The following SMIM31 variants were observed in gnomAD, a reference collection of about 807,000 sequenced individuals.
The protein encoded by SMIM31 is small integral membrane protein 31, also known as human epithelial cell program regulator.
intron 2 of SMIM31, among the ~76,000 whole-genome samples, chr4:164,773,561 C>T (rs902236670): frequency 5.9e-5 from 9 of 152,212 alleles, no homozygotes; most frequent in African/African-American, 2.2e-4. Flanking sequence ...CTTGTGAGAA[C>T]TCACTCACTA....
chr4:164,755,767 G>A (rs901642487), intron 1 of SMIM31, among the ~76,000 whole-genome samples: 1 of 152,022 alleles, frequency 6.6e-6, no homozygotes, highest in African/African-American at 2.4e-5. Context: ...GTGGGACAGA[G>A]ACTAGCAATT....
chr4:164,792,483 G>T (rs934106631), intron 2 of SMIM31, among the ~76,000 whole-genome samples: 2 of 151,940 alleles, frequency 1.3e-5, no homozygotes, highest in South Asian at 4.2e-4. Context: ...TGAGATTTGA[G>T]GAAAGGAAGA....
At chr4:164,775,830 C>T (rs1041806112) in intron 2 of SMIM31, among the ~76,000 whole-genome samples, 5 of 152,150 alleles carry the variant, frequency 3.3e-5, no homozygotes, top group African/African-American at 1.2e-4. Flanking sequence ...CAGTAAAACC[C>T]TTTTCCAGAT....
intron 1 of SMIM31, among the ~76,000 whole-genome samples, chr4:164,768,433 A>G (rs559726125): frequency 2.2e-4 from 34 of 151,296 alleles, no homozygotes; most frequent in African/African-American, 7.7e-4. Flanking sequence ...ATCTCAAAAA[A>G]AAAAAAAAAA....
At chr4:164,756,581 AT>A (rs547195668) in intron 1 of SMIM31, among the ~76,000 whole-genome samples, 16,775 of 137,266 alleles carry the variant, frequency 0.12, 1,054 homozygotes, top group African/African-American at 0.2. Flanking sequence ...CAAAAAAAAA[AT>A]AATAATAATA....
intron 2 of SMIM31, 48 bp from the exon 3 acceptor site, chr4:164,801,043 C>T (rs923593056): frequency 2.8e-5 from 11 of 398,022 alleles, no homozygotes; most frequent in African/African-American, 2.3e-4. Flanking sequence ...TCTACTTTTT[C>T]CAAATGGTGT....
intron 2 of SMIM31, among the ~76,000 whole-genome samples, chr4:164,799,244 G>A (rs1016230764): frequency 8.6e-5 from 13 of 151,900 alleles, no homozygotes; most frequent in African/African-American, 3.1e-4. Context: ...AACTAGCTGG[G>A]TATGGTGGCA....
At chr4:164,765,818 C>T (rs1377223834) in intron 1 of SMIM31, among the ~76,000 whole-genome samples, 1 of 152,088 alleles carries the variant, frequency 6.6e-6, no homozygotes, top group Non-Finnish European at 1.5e-5. Flanking sequence ...ACACTAAATT[C>T]CCACTGCCCA....
intron 2 of SMIM31, among the ~76,000 whole-genome samples, chr4:164,770,850 T>A (rs1377723591): frequency 6.6e-6 from 1 of 152,116 alleles, no homozygotes; most frequent in East Asian, 1.9e-4. Flanking sequence ...GTAAAAACAA[T>A]TGTTAATAAG....
chr4:164,767,193 C>T (rs1285631678), intron 1 of SMIM31, among the ~76,000 whole-genome samples: 3 of 152,022 alleles, frequency 2.0e-5, no homozygotes, highest in African/African-American at 2.4e-5. Context: ...TCATTCCCTT[C>T]GTGATGCTAA....
At chr4:164,789,411 C>T (rs1733071984) in intron 2 of SMIM31, among the ~76,000 whole-genome samples, 1 of 152,186 alleles carries the variant, frequency 6.6e-6, no homozygotes, top group Non-Finnish European at 1.5e-5. Context: ...TAAGGAATAA[C>T]TTAAGAATCT....
At chr4:164,783,531 G>GAA (rs67784042) in intron 2 of SMIM31, among the ~76,000 whole-genome samples, 4 of 114,622 alleles carry the variant, frequency 3.5e-5, no homozygotes, top group Non-Finnish European at 3.7e-5. Flanking sequence ...CTCAAAAAAA[G>GAA]AAAAAAAAAA....
At chr4:164,792,225 C>A (rs1733111061) in intron 2 of SMIM31, among the ~76,000 whole-genome samples, 1 of 152,152 alleles carries the variant, frequency 6.6e-6, no homozygotes, top group African/African-American at 2.4e-5. Context: ...TTTAGATTAT[C>A]ATTAACCTTT....
chr4:164,756,703 C>T (rs150209042), intron 1 of SMIM31, among the ~76,000 whole-genome samples: 1 of 152,206 alleles, frequency 6.6e-6, no homozygotes, highest in East Asian at 1.9e-4. Context: ...CAATCTTCCT[C>T]TCTACATAGT....
chr4:164,778,337 A>AT (rs1454352539), intron 2 of SMIM31, among the ~76,000 whole-genome samples: 2 of 151,976 alleles, frequency 1.3e-5, no homozygotes, highest in Non-Finnish European at 2.9e-5. Flanking sequence ...AAAAAAAAAA[A>AT]TTTTATTTTG....
chr4:164,763,019 G>C (rs1375363796), intron 1 of SMIM31, among the ~76,000 whole-genome samples: 1 of 152,020 alleles, frequency 6.6e-6, no homozygotes, highest in East Asian at 1.9e-4. Flanking sequence ...TTTTGCTTAG[G>C]GGATGAATAT....
chr4:164,768,903 C>G (rs9284675), intron 1 of SMIM31, among the ~76,000 whole-genome samples: 72,587 of 151,830 alleles, frequency 0.48, 18,240 homozygotes, highest in Admixed American at 0.57. Context: ...CCGAATATGT[C>G]AGAGTGCATC....
At chr4:164,760,998 TAA>T (rs1418311887) in intron 1 of SMIM31, among the ~76,000 whole-genome samples, 1 of 152,214 alleles carries the variant, frequency 6.6e-6, no homozygotes, top group Non-Finnish European at 1.5e-5. Flanking sequence ...TGAAATCTCT[TAA>T]GTTTCTTGAA....
intron 2 of SMIM31, among the ~76,000 whole-genome samples, chr4:164,784,948 G>A (rs929108828): frequency 1.3e-5 from 2 of 151,298 alleles, no homozygotes; most frequent in Non-Finnish European, 2.9e-5. Context: ...GTAAAGCCGG[G>A]CGCGGTGGCT....
Sources: allele counts gnomAD v4.1 joint callset (sites outside exome capture counted in the v4.1 genomes callset), GRCh38; gene constraint gnomAD v4.1.1; transcripts MANE v1.5; gene names NCBI Gene and HGNC (gene_info 2026-07-23, HGNC 2026-07-21).